INSYN2B: variants seen among roughly 807,000 people sequenced by gnomAD.
The protein encoded by INSYN2B is protein INSYN2B.
Under a neutral mutation model 41.2 loss-of-function variants are expected in INSYN2B, and 16 were observed. The observed-to-expected ratio is 0.39, with a 90% CI of 0.26 to 0.59. INSYN2B has a LOEUF of 0.59. INSYN2B is among the 20% of genes least tolerant of loss of function. The probability of loss-of-function intolerance (pLI) is 0.57; values close to 1 mark genes in which losing one functional copy is unlikely to be tolerated. For synonymous variants in INSYN2B, 245 were observed against 244.4 expected (o/e 1.00, Z -0.02); for missense variants, 608 against 646.4 (o/e 0.94, Z 0.64).
Position 169,912,805 on chromosome 5 carries a change from C to G in INSYN2B, c.-918-27989G>C, listed in dbSNP as rs77156729. Among the ~76,000 whole-genome samples, 292 of 151,966 alleles carry G rather than the reference C, an allele frequency of 1.9e-3. 4 individuals carry two copies. In the East Asian group the frequency reaches 0.025, roughly 13 times the overall value. ...GCAGCAGCAGGAGCAGCAGTATAAC[C>G]AGAGTGTTGAGATTTTTTTTTTCTA... On this transcript the variant is annotated intron_variant, in intron 1 of 3. Coordinates refer to ENST00000377365, the MANE Select transcript of INSYN2B (RefSeq NM_001129891.3).
intron 1 of INSYN2B, among the ~76,000 whole-genome samples, chr5:169,941,847 G>T (rs1048167890): frequency 6.6e-6 from 1 of 152,166 alleles, no homozygotes; most frequent in Non-Finnish European, 1.5e-5. Flanking sequence ...ACTTCCCTGG[G>T]GCTGCCAATT....
intron 1 of INSYN2B, among the ~76,000 whole-genome samples, chr5:169,905,071 G>T (rs910023171): frequency 1.3e-5 from 2 of 152,208 alleles, no homozygotes; most frequent in African/African-American, 4.8e-5. Context: ...AGGATTCAGG[G>T]AGGCCGTGCA....
At chr5:169,961,304 G>A (rs1002731759) in intron 1 of INSYN2B, among the ~76,000 whole-genome samples, 4 of 152,242 alleles carry the variant, frequency 2.6e-5, no homozygotes, top group African/African-American at 9.6e-5. Flanking sequence ...ATTAAATTAA[G>A]ATGAATGGAA....
chr5:169,863,006 A>G lies in INSYN2B; in HGVS notation c.*1267T>C, dbSNP rs1012683514. Among the ~76,000 whole-genome samples the G allele has an allele frequency of 6.6e-6, 1 of 152,242 alleles. No individual in the cohort carries two copies. Among genetic ancestry groups the G allele is most frequent in the Non-Finnish European group, 1.5e-5 (1 of 68,040 alleles). ...TGATAGAGATTTTAATTCAACCAGA[A>G]GGAATCTGAGCCTTTCCATCCTACC... is the stretch of plus-strand genomic sequence containing the variant. On this transcript the variant is annotated 3_prime_UTR_variant, in exon 4 of 4. Transcript: ENST00000377365.
intron 1 of INSYN2B, among the ~76,000 whole-genome samples, chr5:169,947,905 A>AAG (rs1776509821): frequency 1.3e-5 from 2 of 152,016 alleles, no homozygotes; most frequent in Admixed American, 1.3e-4. Flanking sequence ...ATAAATAAAA[A>AAG]GTAAATGTCA....
chr5:169,884,137 T>C lies in INSYN2B; in HGVS notation c.-239A>G, dbSNP rs1281354107. On this transcript the variant is annotated 5_prime_UTR_variant, in exon 2 of 4. Transcript: ENST00000377365. ...AAATATTAATTCATTGTAGTCATAA[T>C]TGCTCCTTGGAAAAACAAATGAGTT... 2.7e-6 allele frequency: 1 copy of C among 368,584 alleles called. No individual in the cohort carries two copies. Among genetic ancestry groups the C allele is most frequent in the African/African-American group, 2.1e-5 (1 of 48,174 alleles). The allele number at this position is 368,584 out of a possible 1,614,324, so 22.8% of individuals were successfully genotyped here. A position where few individuals can be genotyped will look rare whatever the true frequency, so the allele number is the denominator to read the frequency against.
At chr5:169,896,383 C>T (rs957997580) in intron 1 of INSYN2B, among the ~76,000 whole-genome samples, 13 of 152,206 alleles carry the variant, frequency 8.5e-5, no homozygotes, top group East Asian at 5.8e-4. Context: ...TGAAAACAGA[C>T]GGCTTAGATT....
rs183740699 is a variant in INSYN2B, at chr5:169,971,355, G to A, written c.-919+8922C>T. ...GGTTGGCTATGCAGTGCCCTAGCCA[G>A]GGGTCAGCCACAGCTGGCACGTGAG... is the stretch of plus-strand genomic sequence containing the variant. On this transcript the variant is annotated intron_variant, in intron 1 of 3. Coordinates refer to ENST00000377365, the MANE Select transcript of INSYN2B (RefSeq NM_001129891.3). Among the ~76,000 whole-genome samples the A allele has an allele frequency of 1.3e-3, 204 of 152,110 alleles. 1 individual carries two copies. The highest frequency in any genetic ancestry group is 5.7e-3 in the Admixed American group (87 of 15,290).
chr5:169,964,520 C>T (rs1777221919), intron 1 of INSYN2B, among the ~76,000 whole-genome samples: 1 of 152,246 alleles, frequency 6.6e-6, no homozygotes, highest in Admixed American at 6.5e-5. Flanking sequence ...GCCAGCTCTT[C>T]TGCTGGAATA....
At chr5:169,933,645 A>G (rs145184271) in intron 1 of INSYN2B, among the ~76,000 whole-genome samples, 2 of 152,236 alleles carry the variant, frequency 1.3e-5, no homozygotes, top group African/African-American at 4.8e-5. Context: ...GTGAGGAGTA[A>G]CAGCTGTAGA....
intron 1 of INSYN2B, among the ~76,000 whole-genome samples, chr5:169,956,051 AAAG>A (rs911977665): frequency 6.6e-6 from 1 of 152,016 alleles, no homozygotes; most frequent in Non-Finnish European, 1.5e-5. Flanking sequence ...AAAAAAAAAA[AAAG>A]AGCCCAGGCT....
intron 1 of INSYN2B, among the ~76,000 whole-genome samples, chr5:169,932,084 A>T (rs1775781420): frequency 6.6e-6 from 1 of 152,226 alleles, no homozygotes; most frequent in African/African-American, 2.4e-5. Context: ...AACAAAGAAG[A>T]TACAACATCC....
At chr5:169,922,778 G>A (rs1242503468) in intron 1 of INSYN2B, among the ~76,000 whole-genome samples, 3 of 152,164 alleles carry the variant, frequency 2.0e-5, no homozygotes, top group Non-Finnish European at 4.4e-5. Flanking sequence ...CTCAGGCAAA[G>A]CTGTTTGATT....
chr5:169,900,309 C>T (rs552289016), intron 1 of INSYN2B, among the ~76,000 whole-genome samples: 26 of 152,302 alleles, frequency 1.7e-4, no homozygotes, highest in African/African-American at 6.3e-4. Flanking sequence ...CTGAGCCAGG[C>T]TTTCTATGAT....
intron 3 of INSYN2B, among the ~76,000 whole-genome samples, chr5:169,868,396 T>C (rs1182793919): frequency 6.6e-6 from 1 of 152,250 alleles, no homozygotes; most frequent in East Asian, 1.9e-4. Context: ...GACTTCATAA[T>C]TCAAATAAAC....
At chr5:169,946,632 C>G (rs1776462323) in intron 1 of INSYN2B, among the ~76,000 whole-genome samples, 1 of 152,164 alleles carries the variant, frequency 6.6e-6, no homozygotes, top group Non-Finnish European at 1.5e-5. Context: ...GTGTATCAGC[C>G]ACTGTTTCAA....
intron 1 of INSYN2B, among the ~76,000 whole-genome samples, chr5:169,888,811 G>C (rs1325669573): frequency 1.3e-5 from 2 of 152,188 alleles, no homozygotes; most frequent in African/African-American, 4.8e-5. Context: ...ATAGAACCCA[G>C]CTGGTAGCCA....
At chr5:169,890,907 CAGTAATCTT>C (rs2113537895) in intron 1 of INSYN2B, among the ~76,000 whole-genome samples, 1 of 152,290 alleles carries the variant, frequency 6.6e-6, no homozygotes, top group Admixed American at 6.5e-5. Context: ...ACAGCAGCCA[CAGTAATCTT>C]GATAATATTT....
At chr5:169,936,665 T>A (rs1322431490) in intron 1 of INSYN2B, among the ~76,000 whole-genome samples, 1 of 148,832 alleles carries the variant, frequency 6.7e-6, no homozygotes, top group African/African-American at 2.5e-5. Context: ...TTACAGAATC[T>A]AGCATTCCCC....
Sources: gnomAD v4.1 joint callset for allele counts (sites outside exome capture counted in the v4.1 genomes callset) on GRCh38, gnomAD v4.1.1 for gene constraint, MANE v1.5 for transcripts, NCBI Gene and HGNC (gene_info 2026-07-23, HGNC 2026-07-21) for gene names.